PHTF2: variants seen among roughly 807,000 people sequenced by gnomAD.
PHTF2 encodes protein PHTF2.
A neutral mutation model predicts 101.2 loss-of-function variants in PHTF2; 60 were observed. The observed-to-expected ratio is 0.59, with a 90% CI of 0.48 to 0.73. The LOEUF (loss-of-function observed/expected upper bound fraction) is 0.73, where lower values mean the gene tolerates loss of function less well. Ranked by LOEUF, PHTF2 falls within the 30% of genes least tolerant of loss-of-function variation. The pLI, the probability that PHTF2 is intolerant of heterozygous loss-of-function variation, is 0.00. For synonymous variants in PHTF2, 311 were observed against 307.3 expected, an observed-to-expected ratio of 1.01 and a Z score of -0.13; for missense variants, 747 against 908.7, an observed-to-expected ratio of 0.82 and a Z score of 2.29.
intron 1 of PHTF2, among the ~76,000 whole-genome samples, chr7:77,813,730 T>G (rs1397278858): frequency 6.6e-6 from 1 of 152,232 alleles, no homozygotes; most frequent in Non-Finnish European, 1.5e-5. Context: ...TTAAGTACTT[T>G]TCTCTGTGAT....
At chr7:77,800,560 CTT>C (rs146527671) in intron 1 of PHTF2, among the ~76,000 whole-genome samples, 5 of 152,112 alleles carry the variant, frequency 3.3e-5, no homozygotes, top group African/African-American at 1.2e-4. Flanking sequence ...CAAGAGTAAA[CTT>C]TTTTTGAGCC....
At chr7:77,952,412 T>C (rs1267070717) in intron 18 of PHTF2, among the ~76,000 whole-genome samples, 1 of 152,190 alleles carries the variant, frequency 6.6e-6, no homozygotes, top group African/African-American at 2.4e-5. Context: ...GAATTGGGTA[T>C]AGACTATGCA....
At chr7:77,806,920 T>C (rs138161202) in intron 1 of PHTF2, among the ~76,000 whole-genome samples, 237 of 152,332 alleles carry the variant, frequency 1.6e-3, no homozygotes, top group African/African-American at 3.9e-3. Context: ...GTTTCCCCTT[T>C]CTGAAACTTT....
chr7:77,821,978 CAGTGGGGGAGTGCTGT>C (rs1794328810), intron 1 of PHTF2, among the ~76,000 whole-genome samples: 1 of 152,150 alleles, frequency 6.6e-6, no homozygotes, highest in South Asian at 2.1e-4. Context: ...GGCATGTCTG[CAGTGGGGGAGTGCTGT>C]AGGGCTGTGT....
chr7:77,946,674 C>A (rs1267504470), intron 16 of PHTF2, among the ~76,000 whole-genome samples: 1 of 152,148 alleles, frequency 6.6e-6, no homozygotes, highest in Non-Finnish European at 1.5e-5. Flanking sequence ...CTGACACATA[C>A]AATCTCTGAA....
chr7:77,912,710 CTTTTTTTTTTTTT>C (rs536966733), intron 9 of PHTF2, among the ~76,000 whole-genome samples: 7 of 80,464 alleles, frequency 8.7e-5, no homozygotes, highest in South Asian at 8.1e-4. Flanking sequence ...AGAGAACCAC[CTTTTTTTTTTTTT>C]TTTTTTTTTT....
chr7:77,821,727 T>C (rs1046589082), intron 1 of PHTF2, among the ~76,000 whole-genome samples: 7 of 151,938 alleles, frequency 4.6e-5, no homozygotes, highest in Non-Finnish European at 1.0e-4. Flanking sequence ...CACAGGACTT[T>C]CTCAGGTTTG....
At chr7:77,900,765 G>T (rs754270411) in exon 6 of PHTF2, 1 of 1,550,778 alleles carries the variant, frequency 6.4e-7, no homozygotes, top group Non-Finnish European at 8.9e-7. Flanking sequence ...CCTCATAGAT[G>T]TTGATCTTGT....
At chr7:77,942,575 A>T in intron 15 of PHTF2, 125 bp from the exon 15 acceptor site, 1 of 504,562 alleles carries the variant, frequency 2.0e-6, no homozygotes, top group South Asian at 3.8e-5. Flanking sequence ...TATATTCAAC[A>T]TTGTGGGCTG....
intron 3 of PHTF2, among the ~76,000 whole-genome samples, chr7:77,861,704 C>T (rs1008444926): frequency 6.6e-6 from 1 of 152,172 alleles, no homozygotes; most frequent in African/African-American, 2.4e-5. Flanking sequence ...GGGCAGATCA[C>T]TTGAGGCCGG....
intron 1 of PHTF2, among the ~76,000 whole-genome samples, chr7:77,817,730 C>T (rs866665250): frequency 5.3e-5 from 8 of 152,138 alleles, no homozygotes; most frequent in Admixed American, 1.3e-4. Flanking sequence ...TATGTTTATT[C>T]GCTACATGTA....
rs897720285 is a variant in PHTF2, at chr7:77,940,411, T to A, written c.1740+109T>A. 3 of 1,307,248 alleles carry A rather than the reference T, an allele frequency of 2.3e-6. No individual in the cohort carries two copies. The African/African-American group carries it at 4.5e-5, about 20-fold the overall frequency. 81.0% of individuals were successfully genotyped at this position (1,307,248 alleles called of 1,614,324 possible). A position where few individuals can be genotyped will look rare whatever the true frequency, so the allele number is the denominator to read the frequency against. On this transcript the variant is annotated intron_variant, in intron 14 of 19. Coordinates refer to ENST00000416283, the Ensembl canonical transcript of PHTF2. ...ATTATATCATTTTTACCTAATTATT[T>A]TTTATTTTGCTTTTATAGTACCTAA...
chr7:77,914,827 A>G (rs962656507), intron 9 of PHTF2, among the ~76,000 whole-genome samples: 2 of 152,184 alleles, frequency 1.3e-5, no homozygotes, highest in African/African-American at 4.8e-5. Flanking sequence ...TGCTAGAGTT[A>G]TATCGGATCC....
At chr7:77,866,963 A>G (rs539115312) in intron 3 of PHTF2, among the ~76,000 whole-genome samples, 1 of 152,228 alleles carries the variant, frequency 6.6e-6, no homozygotes, top group African/African-American at 2.4e-5. Context: ...CACATGCTGC[A>G]ATATGAAGGA....
At chr7:77,938,078 T>C (rs1352788328) in intron 13 of PHTF2, 3 of 183,794 alleles carry the variant, frequency 1.6e-5, no homozygotes, top group Non-Finnish European at 3.4e-5. Flanking sequence ...CTATAATTTT[T>C]CTCTTTTATC....
intron 1 of PHTF2, among the ~76,000 whole-genome samples, chr7:77,812,861 T>A (rs956211162): frequency 1.3e-5 from 2 of 152,166 alleles, no homozygotes; most frequent in African/African-American, 4.8e-5. Flanking sequence ...AGTGCTGGGA[T>A]TACAGGTGTG....
At chr7:77,908,034 G>C (rs567562989) in intron 7 of PHTF2, 2 of 152,078 alleles carry the variant, frequency 1.3e-5, no homozygotes. Flanking sequence ...TTGTGATCTA[G>C]GAGAAAGGTC....
At chr7:77,921,037 C>G (rs1006471542) in intron 10 of PHTF2, among the ~76,000 whole-genome samples, 1 of 152,164 alleles carries the variant, frequency 6.6e-6, no homozygotes, top group Non-Finnish European at 1.5e-5. Context: ...TTAAGCCTTA[C>G]TTTTTCTTTC....
chr7:77,872,841 A>G (rs1030749765), intron 3 of PHTF2, among the ~76,000 whole-genome samples: 31 of 152,182 alleles, frequency 2.0e-4, no homozygotes, highest in African/African-American at 6.8e-4. Context: ...CTTCCTCTAC[A>G]TTAAACCAAG....
Sources: gnomAD v4.1 joint callset for allele counts (sites outside exome capture counted in the v4.1 genomes callset) on GRCh38, gnomAD v4.1.1 for gene constraint, MANE v1.5 for transcripts, NCBI Gene and HGNC (gene_info 2026-07-23, HGNC 2026-07-21) for gene names.